ZNF600: variants seen among roughly 807,000 people sequenced by gnomAD.
The protein encoded by ZNF600 is zinc finger protein 600, also known as zinc finger protein KR-ZNF1.
ZNF600 carries 4 observed loss-of-function variants against 7.3 expected under a neutral mutation model. The ratio of observed to expected loss-of-function variants is 0.55; its 90% CI spans 0.27 to 1.25. ZNF600 has a LOEUF of 1.25. ZNF600 is among the 50% of genes most tolerant of loss of function. The pLI is 0.12. For synonymous variants in ZNF600, 290 were observed against 308.9 expected (o/e 0.94, Z 0.64); for missense variants, 911 against 922.1 (o/e 0.99, Z 0.16).
Position 52,778,811 on chromosome 19 carries a change from G to A in ZNF600, c.63+15C>T. 2 of 1,601,836 alleles carry A rather than the reference G, an allele frequency of 1.2e-6. No individual in the cohort carries two copies. Among genetic ancestry groups the A allele is most frequent in the Non-Finnish European group, 1.7e-6 (2 of 1,176,942 alleles). On this transcript the variant is annotated intron_variant, in intron 2 of 3. Transcript: ENST00000648973. ...GGAAAGAGACAGATTAATCCACAGA[G>A]GAATATCACTTCACCTGAGGAAGAG...
chr19:52,772,372 G>C (rs938127840), intron 3 of ZNF600, among the ~76,000 whole-genome samples: 1 of 152,106 alleles, frequency 6.6e-6, no homozygotes, highest in Admixed American at 6.5e-5. Flanking sequence ...GGAGGCTCAG[G>C]CAGGTACATC....
At chr19:52,773,093 G>GGAAAGAAACA (rs1204823061) in intron 3 of ZNF600, among the ~76,000 whole-genome samples, 19 of 151,036 alleles carry the variant, frequency 1.3e-4, no homozygotes, top group Middle Eastern at 3.4e-3. Flanking sequence ...TCAATAGGCT[G>GGAAAGAAACA]GTATTTGCAT....
At position 52,774,703 on chromosome 19, in the gene ZNF600, T is replaced by C. The variant is rs1422380328; in HGVS notation, c.64-2A>G. 1.2e-5 allele frequency: 12 copies of C among 985,254 alleles called. No homozygotes were observed. Among genetic ancestry groups the C allele is most frequent in the Non-Finnish European group, 1.3e-5 (11 of 829,922 alleles). 61.0% of individuals were successfully genotyped at this position (985,254 alleles called of 1,614,324 possible). ...CACATCCCTGAAAGTCAAGCGTCCCTAAAATGAAACACACATTTCCACAAA... is the reference window on the plus strand; with the variant it reads ...CACATCCCTGAAAGTCAAGCGTCCCCAAAATGAAACACACATTTCCACAAA... On this transcript the variant is annotated splice_acceptor_variant, in intron 2 of 3. Coordinates refer to ENST00000648973, the Ensembl canonical transcript of ZNF600. LOFTEE classifies it high-confidence loss of function.
At chr19:52,814,347 C>G in the ZNF600 span, 33 of 146,582 alleles carry the variant, frequency 2.3e-4, 4 homozygotes, top group African/African-American at 6.9e-4. Flanking sequence ...TCCCAGCATT[C>G]TGTGAGGCTG....
At chr19:52,807,590 T>A in the ZNF600 span, among the ~76,000 whole-genome samples, 1 of 152,210 alleles carries the variant, frequency 6.6e-6, no homozygotes, top group East Asian at 1.9e-4. Context: ...TTCTCTTTCC[T>A]CAGCCTCTCT....
chr19:52,799,818 G>A, the ZNF600 span: 3 of 1,614,012 alleles, frequency 1.9e-6, no homozygotes, highest in Non-Finnish European at 2.5e-6. Flanking sequence ...TGCAAGGTGT[G>A]CTTGTTGATT....
the ZNF600 span, among the ~76,000 whole-genome samples, chr19:52,823,542 C>T: frequency 2.6e-5 from 4 of 152,160 alleles, no homozygotes; most frequent in Non-Finnish European, 5.9e-5. Flanking sequence ...GTTGCGCCTG[C>T]ACACCACTGG....
chr19:52,768,812 A>G (rs1367300927), intron 3 of ZNF600, among the ~76,000 whole-genome samples: 1 of 152,160 alleles, frequency 6.6e-6, no homozygotes, highest in Non-Finnish European at 1.5e-5. Context: ...AAATATATAA[A>G]ATAACAAGAG....
At chr19:52,775,638 T>C (rs2062668752) in intron 2 of ZNF600, among the ~76,000 whole-genome samples, 2 of 152,180 alleles carry the variant, frequency 1.3e-5, no homozygotes, top group Non-Finnish European at 2.9e-5. Context: ...ATTAAGTCTC[T>C]AGATGAGCTA....
chr19:52,796,696 G>C, the ZNF600 span, among the ~76,000 whole-genome samples: 5 of 152,114 alleles, frequency 3.3e-5, no homozygotes, highest in Non-Finnish European at 1.5e-5. Flanking sequence ...TTGAATACCG[G>C]GGCTCACATG....
intron 1 of ZNF600, among the ~76,000 whole-genome samples, chr19:52,784,922 G>A (rs574373542): frequency 2.0e-5 from 3 of 151,776 alleles, no homozygotes; most frequent in Admixed American, 1.3e-4. Flanking sequence ...TGACAGAGAT[G>A]GGGGGAGCCT....
Position 52,785,242 on chromosome 19 carries a change from CCT to C in ZNF600, c.-20+1351_-20+1352del, listed in dbSNP as rs574747474. The stretch of plus-strand genomic sequence containing the variant: ...TGCTCCATTCTCACAGCTTATTTAA[CCT>C]CTTTTTTTTTTTTCCTTTTTGAGAT... On this transcript the variant is annotated intron_variant, in intron 1 of 3. Transcript: ENST00000648973. 1.6e-3 allele frequency among the ~76,000 whole-genome samples: 243 copies of C among 151,740 alleles called. 4 individuals carry two copies. The highest frequency in any genetic ancestry group is 5.6e-3 in the African/African-American group (232 of 41,384).
At chr19:52,772,506 A>C (rs2062638148) in intron 3 of ZNF600, among the ~76,000 whole-genome samples, 1 of 152,092 alleles carries the variant, frequency 6.6e-6, no homozygotes, top group Non-Finnish European at 1.5e-5. Flanking sequence ...GGGAGGCTGC[A>C]GAAGGAGAAT....
the ZNF600 span, chr19:52,810,203 G>A: frequency 4.7e-6 from 5 of 1,059,954 alleles, no homozygotes; most frequent in South Asian, 5.0e-5. Flanking sequence ...AGAAGCTAAA[G>A]GAGCTACAGA....
rs2062737075 is a variant in ZNF600 at position 52,783,173 on chromosome 19, CACACTTAG to C, written c.-20+3414_-20+3421del. 2.0e-5 allele frequency among the ~76,000 whole-genome samples: 3 copies of C among 151,884 alleles called. No individual in the cohort carries two copies. In the South Asian group the frequency reaches 6.2e-4, roughly 32 times the overall value. Reference sequence around the variant, plus strand: ...CTGACGCCATCATTATAAAATGCACCACACTTAGACACAGGAGTTTGGCAACTCTCATT... The same window carrying C: ...CTGACGCCATCATTATAAAATGCACCACACAGGAGTTTGGCAACTCTCATT... On this transcript the variant is annotated intron_variant, in intron 1 of 3. Coordinates refer to ENST00000648973, the Ensembl canonical transcript of ZNF600.
At chr19:52,764,370 C>T (rs1027194201), downstream of ZNF600, 1 of 152,036 alleles carries the variant, frequency 6.6e-6, no homozygotes, top group Non-Finnish European at 1.5e-5. Context: ...ACCACCACCC[C>T]CCGGCTAACT....
the ZNF600 span, among the ~76,000 whole-genome samples, chr19:52,811,037 G>C: frequency 6.8e-6 from 1 of 148,036 alleles, no homozygotes; most frequent in African/African-American, 2.5e-5. Flanking sequence ...TTGCAGGCAC[G>C]CGCCGCCACG....
chr19:52,810,590 G>T, the ZNF600 span: 3 of 1,573,342 alleles, frequency 1.9e-6, no homozygotes, highest in Non-Finnish European at 2.6e-6. Flanking sequence ...CCGCTACCGC[G>T]CCCGACCACC....
At chr19:52,811,333 G>C in the ZNF600 span, among the ~76,000 whole-genome samples, 1 of 149,212 alleles carries the variant, frequency 6.7e-6, no homozygotes, top group Non-Finnish European at 1.5e-5. Flanking sequence ...GAAGTGAGGA[G>C]CGACTCTGCC....
Sources: allele counts gnomAD v4.1 joint callset (sites outside exome capture counted in the v4.1 genomes callset), GRCh38; gene constraint gnomAD v4.1.1; transcripts MANE v1.5; gene names NCBI Gene and HGNC (gene_info 2026-07-23, HGNC 2026-07-21).